Variants in XRRA1 observed in about 807,000 individuals in gnomAD.
XRRA1 encodes X-ray radiation resistance-associated protein 1.
In XRRA1, 69 loss-of-function variants were observed where a neutral mutation model predicts 80.2. The ratio of observed to expected loss-of-function variants is 0.86; its 90% confidence interval spans 0.71 to 1.05. The LOEUF is 1.05. XRRA1 is among the 50% of genes least tolerant of loss of function. The pLI, the probability that XRRA1 is intolerant of heterozygous loss-of-function variation, is 0.00. For missense variants in XRRA1, 967 were observed against 976.4 expected, an observed-to-expected ratio of 0.99 and a Z score of 0.13; for synonymous variants, 348 against 389.9, an observed-to-expected ratio of 0.89 and a Z score of 1.27.
chr11:74,885,712 T>C (rs1474779622), intron 10 of XRRA1, among the ~76,000 whole-genome samples: 1 of 152,226 alleles, frequency 6.6e-6, no homozygotes, highest in Admixed American at 6.5e-5. Context: ...ACTCATTCTT[T>C]GAGGCCAGCA....
Position 74,921,210 on chromosome 11 carries a change from T to TTACTGTTCTGCGACGGCC in XRRA1, c.642_656+3dup. The TTACTGTTCTGCGACGGCC allele has an allele frequency of 6.2e-7, 1 of 1,613,622 alleles. No homozygotes were observed. The highest frequency in any genetic ancestry group is 8.5e-7 in the Non-Finnish European group (1 of 1,179,658). The stretch of plus-strand genomic sequence containing the variant: ...CAGAATGGACTCCAGGAGGTAGAAC[T>TTACTGTTCTGCGACGGCC]TACTGTTCTGCGACGGCCAAATTGG... On this transcript the variant is annotated splice_donor_region_variant and intron_variant, in intron 8 of 18. Transcript: ENST00000684022.
chr11:74,919,437 C>A (rs895887134), intron 8 of XRRA1: 9 of 191,360 alleles, frequency 4.7e-5, no homozygotes, highest in Non-Finnish European at 8.6e-5. Flanking sequence ...ATTACCTCTC[C>A]CTGCCAAGAA....
At chr11:74,849,614 G>A (rs1285189531) in intron 14 of XRRA1, among the ~76,000 whole-genome samples, 1 of 152,136 alleles carries the variant, frequency 6.6e-6, no homozygotes, top group Non-Finnish European at 1.5e-5. Context: ...CTGTGAGAGA[G>A]ATGTGCTAGA....
chr11:74,931,834 T>C (rs1483039589), intron 5 of XRRA1: 1 of 152,230 alleles, frequency 6.6e-6, no homozygotes, highest in East Asian at 1.9e-4. Flanking sequence ...TGGTAGCACA[T>C]TGTTCTCCAA....
chr11:74,885,595 A>G (rs1232839391), intron 10 of XRRA1, among the ~76,000 whole-genome samples: 3 of 152,226 alleles, frequency 2.0e-5, no homozygotes, highest in Non-Finnish European at 4.4e-5. Context: ...CCAACCAAAA[A>G]AAGCCCAGGA....
At chr11:74,887,591 A>G (rs1334868464) in intron 10 of XRRA1, among the ~76,000 whole-genome samples, 1 of 152,186 alleles carries the variant, frequency 6.6e-6, no homozygotes, top group Non-Finnish European at 1.5e-5. Context: ...CAGTGGGTGC[A>G]GCGCACCGAG....
At chr11:74,948,671 G>T (rs949656061) in intron 1 of XRRA1, among the ~76,000 whole-genome samples, 14 of 152,158 alleles carry the variant, frequency 9.2e-5, no homozygotes, top group Admixed American at 3.3e-4. Flanking sequence ...GCTGTTGTGG[G>T]ACTCAGTGAG....
chr11:74,921,435 G>GC (rs1450924305), intron 7 of XRRA1, 88 bp from the exon 8 acceptor site: 3 of 1,527,158 alleles, frequency 2.0e-6, no homozygotes, highest in Admixed American at 3.6e-5. Context: ...TTTCTAGAGT[G>GC]CCCCATCGCC....
intron 10 of XRRA1, among the ~76,000 whole-genome samples, chr11:74,887,023 T>C (rs768406899): frequency 5.3e-5 from 8 of 152,200 alleles, no homozygotes; most frequent in Non-Finnish European, 1.0e-4. Flanking sequence ...ATGCAGAAGA[T>C]TGAAACTGAA....
chr11:74,940,803 G>A lies in XRRA1; in HGVS notation c.76C>T (p.Leu26Phe), dbSNP rs772191283. 3.1e-6 allele frequency: 5 copies of A among 1,607,470 alleles called. No individual in the cohort carries two copies. The Admixed American group carries it at 6.8e-5, about 22-fold the overall frequency. The change falls in exon 3 of 19, where the codon CTT becomes TTT. Residue 26 changes from leucine (L) to phenylalanine (F), a missense_variant. Physicochemically the swap from Leu to Phe is conservative, Grantham distance 22. Coordinates refer to ENST00000684022, the MANE Select transcript of XRRA1 (RefSeq NM_001378157.1). ...ACCTGACCTTCCTCCGGCACGCGAA[G>A]CAGATTTCTGGCTGGGAAGCAGTTG... ...LNNCFPARNL[L>F]RVPEEGQGHW...
intron 9 of XRRA1, chr11:74,906,866 A>T (rs1228517583): frequency 2.3e-6 from 1 of 438,940 alleles, no homozygotes; most frequent in Non-Finnish European, 4.0e-6. Context: ...CTCTACTGTC[A>T]GGGTCCGAAT....
intron 10 of XRRA1, among the ~76,000 whole-genome samples, chr11:74,883,772 A>G (rs1002300164): frequency 2.0e-5 from 3 of 152,030 alleles, no homozygotes; most frequent in African/African-American, 7.2e-5. Flanking sequence ...CAATACCCCT[A>G]CCAGCTGTAG....
chr11:74,893,306 A>T (rs949996566), intron 10 of XRRA1, among the ~76,000 whole-genome samples: 10 of 152,056 alleles, frequency 6.6e-5, no homozygotes, highest in East Asian at 1.9e-4. Context: ...TATCTCAAGG[A>T]CAGAAAACCA....
At chr11:74,924,559 C>T (rs565108942) in intron 7 of XRRA1, among the ~76,000 whole-genome samples, 2 of 151,756 alleles carry the variant, frequency 1.3e-5, no homozygotes, top group Admixed American at 1.3e-4. Context: ...TTAGGCTGGG[C>T]GTGGTGGCTC....
chr11:74,900,584 A>G lies in XRRA1; in HGVS notation c.1003+5655T>C, dbSNP rs2053408159. Among the ~76,000 whole-genome samples, 5 of 136,474 alleles carry G rather than the reference A, an allele frequency of 3.7e-5. No individual in the cohort carries two copies. The South Asian group carries it at 1.1e-3, about 29-fold the overall frequency. The allele number at this position is 136,474 out of a possible 152,430, so 89.5% of individuals were successfully genotyped here. ...GCAACAAGAGTGAAACTCCATCTCA[A>G]GAAAAAAAAAAAATCATTAATTATG... On this transcript the variant is annotated intron_variant, in intron 10 of 18. Transcript: ENST00000684022.
chr11:74,948,696 G>A (rs535728031), intron 1 of XRRA1, among the ~76,000 whole-genome samples: 7 of 152,260 alleles, frequency 4.6e-5, no homozygotes, highest in South Asian at 2.1e-4. Context: ...AGGATGGCTG[G>A]AAGTGCACAT....
At chr11:74,902,408 A>G (rs544659294) in intron 10 of XRRA1, among the ~76,000 whole-genome samples, 4 of 152,304 alleles carry the variant, frequency 2.6e-5, no homozygotes, top group East Asian at 1.9e-4. Flanking sequence ...AGCAATCCCA[A>G]TGCTGAGTAT....
intron 8 of XRRA1, among the ~76,000 whole-genome samples, chr11:74,920,742 C>T (rs1940475763): frequency 6.6e-6 from 1 of 152,220 alleles, no homozygotes; most frequent in Non-Finnish European, 1.5e-5. Flanking sequence ...ACCTACCTCA[C>T]AGAGCTGTTA....
Position 74,879,780 on chromosome 11 carries a change from T to G in XRRA1, c.1004-16759A>C, listed in dbSNP as rs967618490. On this transcript the variant is annotated intron_variant, in intron 10 of 18. Transcript: ENST00000684022. ...GCTGGATTACATTTATTGATTTGCG[T>G]ATATTGAACCAGCCTTGCATCCCAG... Among the ~76,000 whole-genome samples, 428 of 148,594 alleles carry G rather than the reference T, an allele frequency of 2.9e-3. 3 individuals carry two copies. Among genetic ancestry groups the G allele is most frequent in the African/African-American group, 6.8e-3 (274 of 40,464 alleles).
Sources: gnomAD v4.1 joint callset for allele counts (sites outside exome capture counted in the v4.1 genomes callset) on GRCh38, gnomAD v4.1.1 for gene constraint, MANE v1.5 for transcripts, NCBI Gene and HGNC (gene_info 2026-07-23, HGNC 2026-07-21) for gene names.